KIAA1217: variants seen among roughly 807,000 people sequenced by gnomAD.
KIAA1217 encodes sickle tail protein homolog.
KIAA1217 carries 88 observed loss-of-function variants against 163.9 expected under a neutral mutation model. The observed-to-expected ratio is 0.54, with a 90% CI of 0.45 to 0.64. KIAA1217 has a LOEUF of 0.64. KIAA1217 is among the 30% of genes least tolerant of loss of function. KIAA1217 has a pLI of 0.00. For synonymous variants in KIAA1217, 903 were observed against 923.1 expected (o/e 0.98, Z 0.39); for missense variants, 2,372 against 2,475.0 (o/e 0.96, Z 0.88).
intron 1 of KIAA1217, among the ~76,000 whole-genome samples, chr10:23,739,178 T>C (rs1272119767): frequency 6.6e-6 from 1 of 152,152 alleles, no homozygotes; most frequent in Non-Finnish European, 1.5e-5. Context: ...TATTCTCACT[T>C]ATAAGTGGGA....
At chr10:24,101,663 A>T (rs553236112) in intron 2 of KIAA1217, among the ~76,000 whole-genome samples, 25 of 152,342 alleles carry the variant, frequency 1.6e-4, no homozygotes, top group Non-Finnish European at 2.6e-4. Context: ...CAAATATTAG[A>T]TTGGACTATA....
rs12257565 is a variant in KIAA1217 at position 24,539,389 on chromosome 10, C to T, written c.3534+2496C>T. On this transcript the variant is annotated intron_variant, in intron 17 of 20. Coordinates refer to ENST00000376454, the MANE Select transcript of KIAA1217 (RefSeq NM_019590.5). Reference sequence around the variant, plus strand: ...GACTACAGGCGTGCACCACCACACCCGGCTAATTTTTTTGTATTTTTATTA... The same window carrying T: ...GACTACAGGCGTGCACCACCACACCTGGCTAATTTTTTTGTATTTTTATTA... 2.9e-3 allele frequency among the ~76,000 whole-genome samples: 448 copies of T among 152,156 alleles called. 2 individuals carry two copies. The highest frequency in any genetic ancestry group is 9.7e-3 in the African/African-American group (403 of 41,534).
chr10:24,528,571 C>T (rs1271152214), intron 14 of KIAA1217, among the ~76,000 whole-genome samples: 1 of 152,054 alleles, frequency 6.6e-6, no homozygotes, highest in Admixed American at 6.6e-5. Context: ...TCAAGCAATC[C>T]TCCCACCTTA....
chr10:24,520,679 C>CAAA (rs1163227493), intron 11 of KIAA1217, among the ~76,000 whole-genome samples: 5 of 89,100 alleles, frequency 5.6e-5, no homozygotes, highest in African/African-American at 2.5e-4. Flanking sequence ...TATATATACA[C>CAAA]ACACACACAA....
intron 2 of KIAA1217, among the ~76,000 whole-genome samples, chr10:24,279,206 T>G (rs187598113): frequency 6.6e-6 from 1 of 151,878 alleles, no homozygotes; most frequent in Non-Finnish European, 1.5e-5. Context: ...TTCCCCATTG[T>G]TTTGTTTTCT....
intron 1 of KIAA1217, among the ~76,000 whole-genome samples, chr10:23,939,729 A>G (rs1251625782): frequency 1.3e-5 from 2 of 151,632 alleles, no homozygotes; most frequent in Non-Finnish European, 2.9e-5. Flanking sequence ...ATCATCAAGT[A>G]TATAGAAGAC....
chr10:24,096,184 C>T (rs147855567), intron 2 of KIAA1217, among the ~76,000 whole-genome samples: 41 of 152,284 alleles, frequency 2.7e-4, no homozygotes, highest in African/African-American at 9.4e-4. Context: ...TTCTGGGTTC[C>T]CAACTCCTTA....
intron 2 of KIAA1217, among the ~76,000 whole-genome samples, chr10:24,171,811 C>T (rs965547506): frequency 1.3e-5 from 2 of 151,574 alleles, no homozygotes; most frequent in South Asian, 2.1e-4. Context: ...AATAAATAAA[C>T]AAATAAATAA....
chr10:23,760,327 C>G (rs1834193123), intron 1 of KIAA1217, among the ~76,000 whole-genome samples: 1 of 152,200 alleles, frequency 6.6e-6, no homozygotes, highest in Non-Finnish European at 1.5e-5. Context: ...ATAGAAGTTC[C>G]TATTTTCACC....
intron 2 of KIAA1217, among the ~76,000 whole-genome samples, chr10:24,269,661 T>C (rs1165782550): frequency 4.6e-5 from 7 of 152,216 alleles, no homozygotes; most frequent in Middle Eastern, 3.4e-3. Flanking sequence ...ATGAGTGGGG[T>C]TGGTTTTTCT....
chr10:24,314,801 G>A (rs147378423), intron 2 of KIAA1217, among the ~76,000 whole-genome samples: 2,461 of 152,054 alleles, frequency 0.016, 47 homozygotes, highest in East Asian at 0.1. Flanking sequence ...AAAATCAGCC[G>A]GGCGTGGTGG....
chr10:24,485,074 G>C (rs1303340398), intron 6 of KIAA1217, among the ~76,000 whole-genome samples: 1 of 148,856 alleles, frequency 6.7e-6, no homozygotes, highest in Non-Finnish European at 1.5e-5. Context: ...TGGACCTCCT[G>C]GTTGGACCTG....
chr10:24,225,557 A>G (rs2130966370), intron 2 of KIAA1217, among the ~76,000 whole-genome samples: 1 of 152,266 alleles, frequency 6.6e-6, no homozygotes, highest in East Asian at 1.9e-4. Flanking sequence ...TCTTTTATTT[A>G]TTTATCCCAT....
At chr10:24,469,396 A>T (rs2063267854) in intron 5 of KIAA1217, among the ~76,000 whole-genome samples, 2 of 151,936 alleles carry the variant, frequency 1.3e-5, no homozygotes, top group African/African-American at 4.8e-5. Context: ...AAATGTTGGG[A>T]TTATAGGCGT....
At chr10:24,150,740 A>G (rs946246736) in intron 2 of KIAA1217, among the ~76,000 whole-genome samples, 3 of 151,944 alleles carry the variant, frequency 2.0e-5, no homozygotes, top group Non-Finnish European at 4.4e-5. Flanking sequence ...CTCATTAGGA[A>G]TCTCCCCTCC....
At chr10:23,819,745 C>T (rs543984262) in intron 1 of KIAA1217, among the ~76,000 whole-genome samples, 10 of 152,214 alleles carry the variant, frequency 6.6e-5, no homozygotes, top group African/African-American at 1.9e-4. Flanking sequence ...CTTTTTGTGT[C>T]GTAACATTGA....
At chr10:24,511,711 T>G (rs12252035) in intron 9 of KIAA1217, among the ~76,000 whole-genome samples, 45,446 of 152,008 alleles carry the variant, frequency 0.3, 7,100 homozygotes, top group Middle Eastern at 0.4. Flanking sequence ...TGGCTTTTAA[T>G]ACCACAATAA....
intron 4 of KIAA1217, among the ~76,000 whole-genome samples, chr10:24,434,182 G>A (rs914992961): frequency 9.9e-5 from 15 of 151,752 alleles, no homozygotes; most frequent in Non-Finnish European, 2.1e-4. Flanking sequence ...GATTACAGGC[G>A]CCCACCACCA....
chr10:23,928,489 C>T (rs908143956), intron 1 of KIAA1217, among the ~76,000 whole-genome samples: 4 of 151,996 alleles, frequency 2.6e-5, no homozygotes, highest in Non-Finnish European at 5.9e-5. Context: ...TGTATATGGT[C>T]ATTCATTTAA....
Sources: allele counts gnomAD v4.1 joint callset (sites outside exome capture counted in the v4.1 genomes callset), GRCh38; gene constraint gnomAD v4.1.1; transcripts MANE v1.5; gene names NCBI Gene and HGNC (gene_info 2026-07-23, HGNC 2026-07-21).